The following PARD3B variants were observed in gnomAD, a reference collection of about 807,000 sequenced individuals.
PARD3B encodes partitioning defective 3 homolog B.
In PARD3B, 103 loss-of-function variants were observed where a neutral mutation model predicts 130.2. The ratio of observed to expected loss-of-function variants is 0.79; its 90% confidence interval spans 0.67 to 0.93. The LOEUF is 0.93. PARD3B is among the 40% of genes least tolerant of loss of function. The pLI is 0.00. For missense variants in PARD3B, 1,609 were observed against 1,499.2 expected (o/e 1.07, Z -1.21); for synonymous variants, 583 against 553.2 (o/e 1.05, Z -0.76).
At chr2:204,712,068 T>G (rs1321077097) in intron 2 of PARD3B, among the ~76,000 whole-genome samples, 1 of 152,218 alleles carries the variant, frequency 6.6e-6, no homozygotes, top group Admixed American at 6.5e-5. Context: ...TGATATATGA[T>G]GAATTTACAC....
chr2:204,763,911 A>G (rs66948261), intron 2 of PARD3B, among the ~76,000 whole-genome samples: 14,344 of 152,252 alleles, frequency 0.094, 1,400 homozygotes, highest in African/African-American at 0.25. Context: ...TTTTTAATCT[A>G]TGTAATACTT....
intron 18 of PARD3B, among the ~76,000 whole-genome samples, chr2:205,327,122 A>C (rs2042963899): frequency 6.6e-6 from 1 of 152,158 alleles, no homozygotes; most frequent in African/African-American, 2.4e-5. Context: ...CAGCATATAC[A>C]TGACTGCTAT....
At chr2:205,546,293 G>GC (rs1489431103) in intron 21 of PARD3B, among the ~76,000 whole-genome samples, 1 of 152,156 alleles carries the variant, frequency 6.6e-6, no homozygotes, top group East Asian at 1.9e-4. Flanking sequence ...AGATAAATAT[G>GC]CCCCAAATCC....
intron 15 of PARD3B, among the ~76,000 whole-genome samples, chr2:205,200,259 C>T (rs901304567): frequency 7.9e-5 from 12 of 152,208 alleles, no homozygotes; most frequent in Admixed American, 2.0e-4. Flanking sequence ...TACCATAAAA[C>T]GACATCTTTA....
At chr2:204,778,937 T>G (rs1270120290) in intron 2 of PARD3B, among the ~76,000 whole-genome samples, 1 of 152,144 alleles carries the variant, frequency 6.6e-6, no homozygotes, top group East Asian at 1.9e-4. Flanking sequence ...ATCTTTACCA[T>G]GGCCTACAAA....
intron 2 of PARD3B, among the ~76,000 whole-genome samples, chr2:204,697,889 C>T (rs2037691640): frequency 6.6e-6 from 1 of 152,028 alleles, no homozygotes; most frequent in Non-Finnish European, 1.5e-5. Flanking sequence ...TCAGTTTGTG[C>T]CAAATATGTT....
At chr2:204,996,589 T>C (rs1020132054) in intron 3 of PARD3B, among the ~76,000 whole-genome samples, 3 of 151,496 alleles carry the variant, frequency 2.0e-5, no homozygotes, top group Admixed American at 6.6e-5. Context: ...CAGGCCTCCT[T>C]GAGTTGTGGT....
intron 13 of PARD3B, among the ~76,000 whole-genome samples, chr2:205,181,257 T>A (rs962783676): frequency 6.6e-6 from 1 of 152,184 alleles, no homozygotes; most frequent in African/African-American, 2.4e-5. Context: ...CTAATGTGTA[T>A]CTTTCTGGGG....
At position 205,568,648 on chromosome 2, in the gene PARD3B, G is replaced by A. The variant is rs553470604; in HGVS notation, c.3260+15245G>A. Among the ~76,000 whole-genome samples the A allele has an allele frequency of 1.1e-4, 16 of 152,262 alleles. No homozygotes were observed. In the East Asian group the frequency reaches 2.7e-3, roughly 26 times the overall value. On this transcript the variant is annotated intron_variant, in intron 22 of 22. Coordinates refer to ENST00000406610, the MANE Select transcript of PARD3B (RefSeq NM_001302769.2). This position sits in a 1 kb window ranked among gnomAD's most constrained non-coding sequence, Gnocchi z 5.3. ...TAGGATCGTGGCTATACACACAGGC[G>A]AGGTAAAGTTCTACATGGATTTCAA...
At chr2:205,378,753 T>G (rs763036270) in intron 18 of PARD3B, among the ~76,000 whole-genome samples, 37 of 151,254 alleles carry the variant, frequency 2.4e-4, no homozygotes, top group Non-Finnish European at 4.6e-4. Flanking sequence ...TGCCTCAGCC[T>G]CCTGAGTATT....
chr2:204,739,280 A>C (rs113740831), intron 2 of PARD3B, among the ~76,000 whole-genome samples: 304 of 152,122 alleles, frequency 2.0e-3, no homozygotes, highest in African/African-American at 6.8e-3. Flanking sequence ...CTATGTATTG[A>C]AATGTGTGTG....
chr2:204,609,648 TTTGAG>T (rs948517658), intron 1 of PARD3B, among the ~76,000 whole-genome samples: 32 of 152,216 alleles, frequency 2.1e-4, no homozygotes, highest in African/African-American at 7.0e-4. Context: ...GTAAGAAATG[TTTGAG>T]TTAAGATAAG....
chr2:204,594,560 A>G (rs1298380034), intron 1 of PARD3B, among the ~76,000 whole-genome samples: 1 of 152,204 alleles, frequency 6.6e-6, no homozygotes, highest in Admixed American at 6.5e-5. Context: ...GACTGTATCC[A>G]TGCCATGAAA....
At chr2:204,806,062 C>G (rs77519508) in intron 2 of PARD3B, among the ~76,000 whole-genome samples, 12,562 of 151,696 alleles carry the variant, frequency 0.083, 654 homozygotes, top group African/African-American at 0.14. Context: ...ACGTTCTGCC[C>G]AAAGCAAACC....
intron 1 of PARD3B, among the ~76,000 whole-genome samples, chr2:204,644,208 A>G (rs955836480): frequency 4.6e-5 from 7 of 152,028 alleles, no homozygotes; most frequent in African/African-American, 1.7e-4. Flanking sequence ...AGTTGAAATT[A>G]TGCTTCCTGT....
intron 18 of PARD3B, among the ~76,000 whole-genome samples, chr2:205,332,068 G>T (rs765016449): frequency 6.6e-6 from 1 of 152,058 alleles, no homozygotes. Context: ...TCGTGCCATT[G>T]TACTCTAGCC....
At position 204,890,067 on chromosome 2, in the gene PARD3B, C is replaced by A. The variant is rs908772479; in HGVS notation, c.223-75085C>A. Among the ~76,000 whole-genome samples, 3 of 152,146 alleles carry A rather than the reference C, an allele frequency of 2.0e-5. No individual in the cohort carries two copies. The highest frequency in any genetic ancestry group is 4.8e-5 in the African/African-American group (2 of 41,436). On this transcript the variant is annotated intron_variant, in intron 2 of 22. Coordinates refer to ENST00000406610, the MANE Select transcript of PARD3B (RefSeq NM_001302769.2). The surrounding 1 kb of genome is among the most constrained non-coding windows in gnomAD (Gnocchi z 4.9). ...TACTTTTGGCATATGTTCTCTGGGA[C>A]TATCGGTTTTATTGCAACTGGATGC... is the stretch of plus-strand genomic sequence containing the variant.
intron 2 of PARD3B, among the ~76,000 whole-genome samples, chr2:204,881,721 G>GTA (rs1230208506): frequency 3.3e-5 from 5 of 152,194 alleles, no homozygotes; most frequent in African/African-American, 1.2e-4. Context: ...AGCTCTATGT[G>GTA]TCTTGGAGTA....
Position 205,265,516 on chromosome 2 carries a change from G to A in PARD3B, c.2185+19694G>A, listed in dbSNP as rs187009036. 2.0e-5 allele frequency among the ~76,000 whole-genome samples: 3 copies of A among 149,970 alleles called. No homozygotes were observed. Among genetic ancestry groups the A allele is most frequent in the Non-Finnish European group, 3.0e-5 (2 of 67,134 alleles). ...TGTAGATTAGGGTGAAATCTCAGGT[G>A]CTTTTTGATTTTCTACTTTCAGAGA... On this transcript the variant is annotated intron_variant, in intron 16 of 22. Coordinates refer to ENST00000406610, the MANE Select transcript of PARD3B (RefSeq NM_001302769.2). This position sits in a 1 kb window ranked among gnomAD's most constrained non-coding sequence, Gnocchi z 4.3.
Sources: gnomAD v4.1 joint callset for allele counts (sites outside exome capture counted in the v4.1 genomes callset) on GRCh38, gnomAD v4.1.1 for gene constraint, Gnocchi (gnomAD v3.1) non-coding constraint, MANE v1.5 for transcripts, NCBI Gene and HGNC (gene_info 2026-07-23, HGNC 2026-07-21) for gene names.